Variants in CNTN4 observed in about 807,000 individuals in gnomAD.
CNTN4 encodes the protein contactin 4, also known as contactin-4.
CNTN4 carries 77 observed loss-of-function variants against 122.5 expected under a neutral mutation model. That is an observed-to-expected ratio of 0.63 (90% CI 0.52 to 0.76). The LOEUF (loss-of-function observed/expected upper bound fraction) is 0.76, where lower values mean the gene tolerates loss of function less well. Ranked by LOEUF, CNTN4 falls within the 30% of genes least tolerant of loss-of-function variation. The probability of loss-of-function intolerance (pLI) is 0.00; values close to 1 mark genes in which losing one functional copy is unlikely to be tolerated. For synonymous variants in CNTN4, 512 were observed against 447.0 expected, an observed-to-expected ratio of 1.15 and a Z score of -1.83; for missense variants, 1,256 against 1,259.1, an observed-to-expected ratio of 1.00 and a Z score of 0.04.
At chr3:2,340,709 A>AGAGAGGGAGAGGGAGAGG (rs1559468175) in intron 3 of CNTN4, among the ~76,000 whole-genome samples, 2 of 101,372 alleles carry the variant, frequency 2.0e-5, no homozygotes, top group African/African-American at 7.2e-5. Context: ...ATATATATAT[A>AGAGAGGGAGAGGGAGAGG]TAGAGAGAGA....
chr3:2,831,210 T>C (rs1406793543), intron 7 of CNTN4, among the ~76,000 whole-genome samples: 1 of 152,192 alleles, frequency 6.6e-6, no homozygotes, highest in Non-Finnish European at 1.5e-5. Context: ...GATTAAAGCT[T>C]TTGATTCTAT....
At chr3:2,952,090 G>C (rs1198060593) in intron 13 of CNTN4, among the ~76,000 whole-genome samples, 1 of 152,180 alleles carries the variant, frequency 6.6e-6, no homozygotes, top group African/African-American at 2.4e-5. Flanking sequence ...GAAAAGTTCT[G>C]CTGCCCTTGT....
At chr3:2,854,428 A>C (rs1205901091) in intron 7 of CNTN4, among the ~76,000 whole-genome samples, 1 of 81,444 alleles carries the variant, frequency 1.2e-5, no homozygotes, top group African/African-American at 5.6e-5. Flanking sequence ...GCCTGCCACC[A>C]CGCCTGGCTA....
chr3:2,185,622 A>G (rs1429229517), intron 2 of CNTN4, among the ~76,000 whole-genome samples: 4 of 152,260 alleles, frequency 2.6e-5, no homozygotes, highest in Middle Eastern at 3.4e-3. Flanking sequence ...TCAGTTGTAC[A>G]ATCATGAGCC....
At chr3:2,596,573 T>C (rs908562214) in intron 4 of CNTN4, among the ~76,000 whole-genome samples, 2 of 151,316 alleles carry the variant, frequency 1.3e-5, no homozygotes, top group Admixed American at 6.6e-5. Flanking sequence ...AATATATATT[T>C]ATGCACATTT....
chr3:2,338,224 T>A (rs1575408813), intron 2 of CNTN4, among the ~76,000 whole-genome samples: 1 of 152,032 alleles, frequency 6.6e-6, no homozygotes, highest in African/African-American at 2.4e-5. Flanking sequence ...CTGGTTGTTA[T>A]CGATATTATC....
chr3:2,272,351 T>G (rs11917323), intron 2 of CNTN4, among the ~76,000 whole-genome samples: 80,525 of 151,338 alleles, frequency 0.53, 22,059 homozygotes, highest in South Asian at 0.68. Context: ...ACCATTTCTC[T>G]AATTTTCCTA....
chr3:2,651,770 T>C (rs972830010), intron 4 of CNTN4, among the ~76,000 whole-genome samples: 1 of 151,734 alleles, frequency 6.6e-6, no homozygotes, highest in Non-Finnish European at 1.5e-5. Context: ...TGGTGCTATC[T>C]TGGCTCACTG....
At chr3:2,611,887 G>A (rs1576212855) in intron 4 of CNTN4, among the ~76,000 whole-genome samples, 2 of 152,174 alleles carry the variant, frequency 1.3e-5, no homozygotes, top group African/African-American at 4.8e-5. Flanking sequence ...TGTTGGATGA[G>A]TATTTCTTTT....
chr3:2,719,250 A>G (rs914003512), intron 4 of CNTN4, among the ~76,000 whole-genome samples: 1 of 151,784 alleles, frequency 6.6e-6, no homozygotes, highest in Non-Finnish European at 1.5e-5. Context: ...CCATAGAGTG[A>G]CCTAACATTA....
intron 4 of CNTN4, among the ~76,000 whole-genome samples, chr3:2,673,641 C>T (rs374655340): frequency 1.4e-3 from 214 of 152,130 alleles, no homozygotes; most frequent in Middle Eastern, 3.4e-3. Context: ...CACGGGTTCA[C>T]GCCATTCTCC....
intron 2 of CNTN4, among the ~76,000 whole-genome samples, chr3:2,297,569 C>G (rs76699313): frequency 6.6e-6 from 1 of 152,046 alleles, no homozygotes; most frequent in Admixed American, 6.6e-5. Flanking sequence ...TTAATCCCCA[C>G]GCATTTTAGA....
chr3:2,139,435 G>C (rs1004801907), intron 2 of CNTN4, among the ~76,000 whole-genome samples: 16 of 152,128 alleles, frequency 1.1e-4, no homozygotes, highest in African/African-American at 3.9e-4. Flanking sequence ...GAATTAGATT[G>C]GACACTGCTA....
rs566980325 is a variant in CNTN4, at chr3:2,728,152, A to G, written c.56-8063A>G. On this transcript the variant is annotated intron_variant, in intron 4 of 24. Transcript: ENST00000418658. ...TGACAGCTGTCCAATCATCATTTCT[A>G]CAATCAGTGATTGAATTTTAAAGGA... Among the ~76,000 whole-genome samples the G allele has an allele frequency of 5.3e-5, 8 of 152,332 alleles. No individual in the cohort carries two copies. In the South Asian group the frequency reaches 1.7e-3, roughly 32 times the overall value.
At chr3:2,318,710 G>A (rs1022207637) in intron 2 of CNTN4, among the ~76,000 whole-genome samples, 2 of 152,140 alleles carry the variant, frequency 1.3e-5, no homozygotes, top group Admixed American at 1.3e-4. Context: ...GTGCAGTGGA[G>A]CTCACTCCAC....
At chr3:3,012,927 C>T (rs1035904993) in intron 14 of CNTN4, among the ~76,000 whole-genome samples, 1 of 151,728 alleles carries the variant, frequency 6.6e-6, no homozygotes. Context: ...GAGACTGTGC[C>T]GTTGCACTCC....
chr3:2,407,901 C>T lies in CNTN4; in HGVS notation c.-89+68668C>T, dbSNP rs542837050. ...TGAGTCTAAATTGTTGGCAGCCATA[C>T]TCCTAATAATACACGTATGTACATA... On this transcript the variant is annotated intron_variant, in intron 3 of 24. Transcript: ENST00000418658. 4.5e-4 allele frequency among the ~76,000 whole-genome samples: 68 copies of T among 152,276 alleles called. 2 individuals carry two copies. The South Asian group carries it at 0.014, about 31-fold the overall frequency.
intron 3 of CNTN4, among the ~76,000 whole-genome samples, chr3:2,487,456 C>A (rs1240098847): frequency 6.6e-6 from 1 of 152,186 alleles, no homozygotes; most frequent in East Asian, 1.9e-4. Flanking sequence ...ATCCTTCCAT[C>A]CACCCCACAA....
chr3:2,385,043 T>C lies in CNTN4; in HGVS notation c.-89+45810T>C, dbSNP rs974204160. On this transcript the variant is annotated intron_variant, in intron 3 of 24. Coordinates refer to ENST00000418658, the MANE Select transcript of CNTN4 (RefSeq NM_175607.3). The surrounding 1 kb of genome is among the most constrained non-coding windows in gnomAD (Gnocchi z 4.0). ...TTTTCTCTCTTGCTTCGCCTCTTAC[T>C]CTTCCTTCCTAACTGGTCTATTCTG... is the stretch of plus-strand genomic sequence containing the variant. Among the ~76,000 whole-genome samples, 1 of 152,178 alleles carries C rather than the reference T, an allele frequency of 6.6e-6. No individual in the cohort carries two copies. The highest frequency in any genetic ancestry group is 6.5e-5 in the Admixed American group (1 of 15,288).
Sources: allele counts gnomAD v4.1 joint callset (sites outside exome capture counted in the v4.1 genomes callset), GRCh38; gene constraint gnomAD v4.1.1; non-coding constraint Gnocchi (gnomAD v3.1); transcripts MANE v1.5; gene names NCBI Gene and HGNC (gene_info 2026-07-23, HGNC 2026-07-21).